Variants in MAP3K13 observed in about 807,000 individuals in gnomAD.
MAP3K13 encodes the protein leucine zipper-bearing kinase.
Under a neutral mutation model 104.0 loss-of-function variants are expected in MAP3K13, and 52 were observed. The ratio of observed to expected loss-of-function variants is 0.50; its 90% CI spans 0.40 to 0.63. The LOEUF (loss-of-function observed/expected upper bound fraction) is 0.63, where lower values mean the gene tolerates loss of function less well. MAP3K13 is among the 20% of genes least tolerant of loss of function. The pLI is 0.00. For synonymous variants in MAP3K13, 394 were observed against 442.2 expected (o/e 0.89, Z 1.37); for missense variants, 914 against 1,218.5 (o/e 0.75, Z 3.72).
At chr3:185,385,493 A>G (rs1254087058) in intron 1 of MAP3K13, among the ~76,000 whole-genome samples, 2 of 152,100 alleles carry the variant, frequency 1.3e-5, no homozygotes, top group African/African-American at 2.4e-5. Context: ...AATCTTATAA[A>G]GAAGAACTAA....
At chr3:185,376,099 A>G (rs561767974) in intron 1 of MAP3K13, among the ~76,000 whole-genome samples, 40 of 152,220 alleles carry the variant, frequency 2.6e-4, no homozygotes, top group Admixed American at 9.2e-4. Context: ...AGGGTGATAA[A>G]CAGGAATGAA....
rs1175144236 is a variant in MAP3K13, at chr3:185,483,351, C to G, written c.*895C>G. The G allele has an allele frequency of 4.3e-6, 1 of 231,784 alleles. No homozygotes were observed. Among genetic ancestry groups the G allele is most frequent in the African/African-American group, 2.2e-5 (1 of 45,244 alleles). The allele number at this position is 231,784 out of a possible 1,614,324, so 14.4% of individuals were successfully genotyped here. A position where few individuals can be genotyped will look rare whatever the true frequency, so the allele number is the denominator to read the frequency against. On this transcript the variant is annotated 3_prime_UTR_variant, in exon 14 of 14. Transcript: ENST00000265026. ...ACCCAACGTGTTGATCTTTCATACT[C>G]AAGTGCCATTTCCTTGTAGCTCATT...
At chr3:185,351,541 T>G (rs1723139757) in intron 2 of MAP3K13, among the ~76,000 whole-genome samples, 1 of 152,180 alleles carries the variant, frequency 6.6e-6, no homozygotes, top group African/African-American at 2.4e-5. Context: ...TGGTAATCAA[T>G]TCCTGGCTCT....
At chr3:185,345,240 T>A (rs201370624) in intron 2 of MAP3K13, among the ~76,000 whole-genome samples, 1 of 137,316 alleles carries the variant, frequency 7.3e-6, no homozygotes, top group Non-Finnish European at 1.6e-5. Context: ...CACACACACA[T>A]ACACACACAC....
chr3:185,316,364 G>C (rs1024124798), intron 2 of MAP3K13, among the ~76,000 whole-genome samples: 9 of 152,042 alleles, frequency 5.9e-5, no homozygotes, highest in Admixed American at 5.9e-4. Flanking sequence ...TTTTTGGCTG[G>C]GTGGGGTGGC....
intron 1 of MAP3K13, chr3:185,417,924 A>C (rs1390157595): frequency 1.0e-5 from 16 of 1,604,300 alleles, no homozygotes; most frequent in Non-Finnish European, 1.4e-5. Flanking sequence ...GATCTGTATT[A>C]ATCAACTTGT....
Position 185,475,313 on chromosome 3 carries a change from G to A in MAP3K13, c.2430+1552G>A, listed in dbSNP as rs140568025. Among the ~76,000 whole-genome samples the A allele has an allele frequency of 2.8e-3, 426 of 152,208 alleles. 3 individuals carry two copies. Among genetic ancestry groups the A allele is most frequent in the African/African-American group, 9.5e-3 (394 of 41,534 alleles). ...GCTATGAGTCAAAAAATAAGATTAT[G>A]TATGAAAAATGTTTACAACATGGTA... is the stretch of plus-strand genomic sequence containing the variant. On this transcript the variant is annotated intron_variant, in intron 11 of 13. Transcript: ENST00000265026.
rs1296551121 is a variant in MAP3K13 at position 185,454,412 on chromosome 3, GAT to G, written c.1278+3022_1278+3023del. 8.2e-5 allele frequency among the ~76,000 whole-genome samples: 6 copies of G among 72,774 alleles called. 2 individuals are homozygous for G. Among genetic ancestry groups the G allele is most frequent in the African/African-American group, 3.1e-4 (6 of 19,070 alleles). The allele number at this position is 72,774 out of a possible 152,430, so 47.7% of individuals were successfully genotyped here. On this transcript the variant is annotated intron_variant, in intron 7 of 13. Coordinates refer to ENST00000265026, the MANE Select transcript of MAP3K13 (RefSeq NM_004721.5). ...AGATATATATGAGATATATATATGA[GAT>G]ATATGAGATATATATGATATATATG... is the stretch of plus-strand genomic sequence containing the variant.
At chr3:185,299,155 C>T (rs1171109524) in intron 2 of MAP3K13, among the ~76,000 whole-genome samples, 1 of 152,294 alleles carries the variant, frequency 6.6e-6, no homozygotes, top group African/African-American at 2.4e-5. Flanking sequence ...TTGAGCTCAT[C>T]AGAGAGTTGA....
intron 1 of MAP3K13, among the ~76,000 whole-genome samples, chr3:185,374,250 A>G (rs1425546156): frequency 1.3e-5 from 2 of 152,112 alleles, no homozygotes. Flanking sequence ...CTGTCTTCTT[A>G]TATTAATAAG....
upstream of MAP3K13, among the ~76,000 whole-genome samples, chr3:185,361,122 G>GTA (rs2108740936): frequency 7.3e-6 from 1 of 137,554 alleles, no homozygotes; most frequent in East Asian, 2.1e-4. Context: ...GTGTGTGTGT[G>GTA]TATACACACA....
intron 2 of MAP3K13, among the ~76,000 whole-genome samples, chr3:185,307,556 A>T (rs1446845537): frequency 7.9e-5 from 5 of 63,238 alleles, no homozygotes; most frequent in Non-Finnish European, 1.3e-4. Flanking sequence ...CTCCCCCGCC[A>T]CCCCGAGATG....
At chr3:185,313,762 G>A (rs1721579869) in intron 2 of MAP3K13, among the ~76,000 whole-genome samples, 1 of 151,150 alleles carries the variant, frequency 6.6e-6, no homozygotes, top group South Asian at 2.1e-4. Context: ...GTGAATTATT[G>A]TGAAGTTAAT....
chr3:185,331,632 T>C (rs555049009), intron 2 of MAP3K13, among the ~76,000 whole-genome samples: 1 of 152,254 alleles, frequency 6.6e-6, no homozygotes, highest in East Asian at 1.9e-4. Context: ...TAAATCGTTG[T>C]ATGACAACTG....
At position 185,451,444 on chromosome 3, in the gene MAP3K13, C is replaced by T. The variant is rs369286096; in HGVS notation, c.1278+49C>T. The T allele has an allele frequency of 1.5e-5, 18 of 1,217,714 alleles. No homozygotes were observed. The East Asian group carries it at 3.9e-4, about 27-fold the overall frequency. 75.4% of individuals were successfully genotyped at this position (1,217,714 alleles called of 1,614,324 possible). A position where few individuals can be genotyped will look rare whatever the true frequency, so the allele number is the denominator to read the frequency against. ...GGTGCTACTAAACAGATAGAGAACT[C>T]TCAATGAAACAGAGTAACTCTTAGA... On this transcript the variant is annotated intron_variant, in intron 7 of 13. Transcript: ENST00000265026.
intron 2 of MAP3K13, among the ~76,000 whole-genome samples, chr3:185,294,395 G>C (rs984047274): frequency 2.0e-5 from 3 of 152,142 alleles, no homozygotes; most frequent in African/African-American, 7.2e-5. Flanking sequence ...GTACTGAAAT[G>C]CTGTCTTTAG....
intron 2 of MAP3K13, among the ~76,000 whole-genome samples, chr3:185,324,408 A>G (rs1045597936): frequency 2.0e-5 from 3 of 152,082 alleles, no homozygotes; most frequent in Non-Finnish European, 4.4e-5. Flanking sequence ...TTGTTTATTA[A>G]AGCACCTTTA....
chr3:185,338,475 T>C (rs964919585), intron 2 of MAP3K13, among the ~76,000 whole-genome samples: 3 of 152,140 alleles, frequency 2.0e-5, no homozygotes, highest in African/African-American at 7.2e-5. Flanking sequence ...TAAGAAATTA[T>C]ACAAGAAATG....
intron 9 of MAP3K13, 60 bp from the exon 10 acceptor site, chr3:185,466,766 A>T (rs1717456824): frequency 2.5e-6 from 4 of 1,593,502 alleles, no homozygotes; most frequent in Non-Finnish European, 3.4e-6. Context: ...CGGTGAAAAT[A>T]TTCTGCCTAT....
Sources: gnomAD v4.1 joint callset for allele counts (sites outside exome capture counted in the v4.1 genomes callset) on GRCh38, gnomAD v4.1.1 for gene constraint, MANE v1.5 for transcripts, NCBI Gene and HGNC (gene_info 2026-07-23, HGNC 2026-07-21) for gene names.